The following FOCAD variants were observed in gnomAD, a reference collection of about 807,000 sequenced individuals.
The protein encoded by FOCAD is KIAA1797.
FOCAD carries 198 observed loss-of-function variants against 225.6 expected under a neutral mutation model. The ratio of observed to expected loss-of-function variants is 0.88; its 90% CI spans 0.78 to 0.99. FOCAD has a LOEUF of 0.99. Among genes scored for constraint, FOCAD ranks in the 50% least tolerant of loss-of-function variants. The probability of loss-of-function intolerance (pLI) is 0.00; values close to 1 mark genes in which losing one functional copy is unlikely to be tolerated. For missense variants in FOCAD, 2,713 were observed against 2,123.6 expected (o/e 1.28, Z -5.46); for synonymous variants, 897 against 755.0 (o/e 1.19, Z -3.08).
At chr9:20,974,589 A>T (rs1840066811) in intron 35 of FOCAD, among the ~76,000 whole-genome samples, 1 of 143,328 alleles carries the variant, frequency 7.0e-6, no homozygotes, top group Non-Finnish European at 1.5e-5. Flanking sequence ...GCATCTGCTA[A>T]TTTGGCCTCT....
At position 20,828,534 on chromosome 9, in the gene FOCAD, A is replaced by G. The variant is rs75325823; in HGVS notation, c.1920+5419A>G. ...GACTATTTTCCATAGTGGTTGTGCA[A>G]TTTTACATTTGCACCAGCATTGTAA... On this transcript the variant is annotated intron_variant, in intron 15 of 43. Coordinates refer to ENST00000338382, the MANE Select transcript of FOCAD (RefSeq NM_001375567.1). Among the ~76,000 whole-genome samples the G allele has an allele frequency of 2.5e-3, 386 of 152,210 alleles. 9 individuals carry two copies. The East Asian group carries it at 0.051, about 20-fold the overall frequency.
chr9:20,854,678 A>G (rs1034885840), intron 15 of FOCAD, among the ~76,000 whole-genome samples: 1 of 151,822 alleles, frequency 6.6e-6, no homozygotes, highest in Non-Finnish European at 1.5e-5. Context: ...CCCCAGCAAC[A>G]AAGTATGCAT....
At chr9:20,778,419 A>C (rs1013755636) in intron 8 of FOCAD, among the ~76,000 whole-genome samples, 6 of 151,996 alleles carry the variant, frequency 3.9e-5, no homozygotes, top group African/African-American at 1.5e-4. Context: ...ACGGGGTTTC[A>C]CCAAGTTGGC....
intron 15 of FOCAD, among the ~76,000 whole-genome samples, chr9:20,840,431 CATTTTATTTT>C (rs71334558): frequency 4.7e-5 from 7 of 148,144 alleles, no homozygotes; most frequent in Admixed American, 1.3e-4. Flanking sequence ...AGAGGTATAT[CATTTTATTTT>C]ATTTTATTTT....
chr9:20,770,015 A>G lies in FOCAD; in HGVS notation c.700-17A>G, dbSNP rs546587667. 24 of 1,603,192 alleles carry G rather than the reference A, an allele frequency of 1.5e-5. No individual in the cohort carries two copies. The South Asian group carries it at 2.7e-4, about 18-fold the overall frequency. ...TTTGTGTATTTTTTAATATCATATA[A>G]TGACTTTTTTAAACAGGTAAAAGAT... On this transcript the variant is annotated splice_polypyrimidine_tract_variant and intron_variant, in intron 7 of 43. Coordinates refer to ENST00000338382, the MANE Select transcript of FOCAD (RefSeq NM_001375567.1).
chr9:20,907,308 T>A, intron 22 of FOCAD, 66 bp downstream of exon 22: 1 of 1,327,472 alleles, frequency 7.5e-7, no homozygotes, highest in Non-Finnish European at 1.1e-6. Flanking sequence ...TTGCTACAAA[T>A]GTGTATTTAA....
chr9:20,853,112 A>G (rs902499237), intron 15 of FOCAD, among the ~76,000 whole-genome samples: 3 of 151,766 alleles, frequency 2.0e-5, no homozygotes, highest in Admixed American at 6.6e-5. Flanking sequence ...TGTCCACCAA[A>G]AAATAGATAA....
intron 23 of FOCAD, among the ~76,000 whole-genome samples, chr9:20,913,585 G>T (rs539156156): frequency 4.6e-4 from 70 of 152,238 alleles, no homozygotes; most frequent in Admixed American, 1.4e-3. Context: ...ACAACCACAG[G>T]TTGCTTTAAT....
chr9:20,971,613 G>A (rs928913657), intron 35 of FOCAD, among the ~76,000 whole-genome samples: 1 of 151,814 alleles, frequency 6.6e-6, no homozygotes, highest in Non-Finnish European at 1.5e-5. Context: ...CTAATTTTTT[G>A]TATTTTTAGT....
intron 2 of FOCAD, among the ~76,000 whole-genome samples, chr9:20,670,777 T>A (rs1214625611): frequency 6.6e-6 from 1 of 152,046 alleles, no homozygotes; most frequent in Non-Finnish European, 1.5e-5. Flanking sequence ...GGTCACAGAG[T>A]TGGTTAACGT....
rs1826149205 is a variant in FOCAD at position 20,837,886 on chromosome 9, A to C, written c.1920+14771A>C. ...ATAACTAAGAGACTCATTTCTAAAA[A>C]CTCTAGTGATACCAAATTAGACTTA... On this transcript the variant is annotated intron_variant, in intron 15 of 43. Transcript: ENST00000338382. 1.3e-5 allele frequency among the ~76,000 whole-genome samples: 2 copies of C among 152,050 alleles called. 1 individual carries two copies. The highest frequency in any genetic ancestry group is 4.1e-4 in the South Asian group (2 of 4,824).
At chr9:20,842,048 G>A (rs1826586451) in intron 15 of FOCAD, among the ~76,000 whole-genome samples, 3 of 151,328 alleles carry the variant, frequency 2.0e-5, no homozygotes, top group Admixed American at 1.3e-4. Flanking sequence ...ATTTCTATGT[G>A]TTTGTATAGT....
chr9:20,689,046 C>T (rs77403884), intron 1 of FOCAD, among the ~76,000 whole-genome samples: 211 of 152,114 alleles, frequency 1.4e-3, no homozygotes, highest in Non-Finnish European at 2.2e-3. Context: ...ATAGGGATGA[C>T]GATAGAGCCA....
intron 11 of FOCAD, among the ~76,000 whole-genome samples, chr9:20,801,100 T>C (rs1821774570): frequency 6.6e-6 from 1 of 152,138 alleles, no homozygotes; most frequent in Non-Finnish European, 1.5e-5. Flanking sequence ...CGTTGGAGTT[T>C]GCCGGAGGTC....
intron 21 of FOCAD, among the ~76,000 whole-genome samples, chr9:20,895,299 G>A (rs1307606599): frequency 6.6e-6 from 1 of 151,676 alleles, no homozygotes; most frequent in Non-Finnish European, 1.5e-5. Flanking sequence ...GCTCTTCTTT[G>A]TCCTTTGTCT....
chr9:20,903,435 T>C (rs766276522), intron 21 of FOCAD, among the ~76,000 whole-genome samples: 17 of 151,944 alleles, frequency 1.1e-4, no homozygotes, highest in Non-Finnish European at 2.1e-4. Flanking sequence ...CTTTGCTACC[T>C]ACAGTCTATT....
intron 39 of FOCAD, among the ~76,000 whole-genome samples, chr9:20,985,430 G>C (rs1841069815): frequency 6.6e-6 from 1 of 152,158 alleles, no homozygotes; most frequent in African/African-American, 2.4e-5. Flanking sequence ...TCTCTTGAAA[G>C]CTCAAATTTT....
At chr9:20,874,960 A>C in intron 19 of FOCAD, 153 bp downstream of exon 19, 1 of 939,256 alleles carries the variant, frequency 1.1e-6, no homozygotes, top group Non-Finnish European at 1.6e-6. Context: ...CTATTGAAAC[A>C]GCTTGAGGTA....
intron 37 of FOCAD, among the ~76,000 whole-genome samples, chr9:20,979,370 G>A (rs906657974): frequency 2.0e-5 from 3 of 151,998 alleles, no homozygotes; most frequent in Non-Finnish European, 2.9e-5. Context: ...ACAGTTTCTC[G>A]CTCCATAGCC....
Sources: allele counts gnomAD v4.1 joint callset (sites outside exome capture counted in the v4.1 genomes callset), GRCh38; gene constraint gnomAD v4.1.1; transcripts MANE v1.5; gene names NCBI Gene and HGNC (gene_info 2026-07-23, HGNC 2026-07-21).